The following GAB2 variants were observed in gnomAD, a reference collection of about 807,000 sequenced individuals.
GAB2 encodes the protein GRB2 associated binding protein 2.
GAB2 carries 26 observed loss-of-function variants against 65.5 expected under a neutral mutation model. The observed-to-expected ratio is 0.40, with a 90% CI of 0.29 to 0.55. The LOEUF (loss-of-function observed/expected upper bound fraction) is 0.55, where lower values mean the gene tolerates loss of function less well. GAB2 is among the 20% of genes least tolerant of loss of function. The pLI is 0.53. For synonymous variants in GAB2, 321 were observed against 329.6 expected (o/e 0.97, Z 0.28); for missense variants, 884 against 875.8 (o/e 1.01, Z -0.12).
chr11:78,291,805 A>AT (rs2134607212), intron 1 of GAB2, among the ~76,000 whole-genome samples: 1 of 151,718 alleles, frequency 6.6e-6, no homozygotes, highest in South Asian at 2.1e-4. Context: ...GGCTCAAGTA[A>AT]TTCTCCCACC....
chr11:78,352,419 C>T (rs1186038456), intron 1 of GAB2, among the ~76,000 whole-genome samples: 1 of 152,244 alleles, frequency 6.6e-6, no homozygotes, highest in Non-Finnish European at 1.5e-5. Context: ...CAGGGCTTCA[C>T]AGCTCGGCGT....
chr11:78,391,740 G>T lies in GAB2; in HGVS notation c.75+25906C>A, dbSNP rs539941709. Among the ~76,000 whole-genome samples the T allele has an allele frequency of 1.3e-4, 20 of 152,338 alleles. 1 individual carries two copies. Among genetic ancestry groups the T allele is most frequent in the Non-Finnish European group, 7.3e-5 (5 of 68,032 alleles). Reference sequence around the variant, plus strand: ...ACTCTGAGCCATTCAAGCCTTCCCAGTTGGGGCCCCAGATATTGGGGAGCA... The same window carrying T: ...ACTCTGAGCCATTCAAGCCTTCCCATTTGGGGCCCCAGATATTGGGGAGCA... On this transcript the variant is annotated intron_variant, in intron 1 of 9. Transcript: ENST00000361507.
At chr11:78,225,262 C>A in intron 4 of GAB2, 60 bp from the exon 5 acceptor site, 1 of 1,099,372 alleles carries the variant, frequency 9.1e-7, no homozygotes, top group South Asian at 1.3e-5. Context: ...GACACTTACC[C>A]ATACCCTCAC....
At chr11:78,322,510 TAA>T (rs1320833039) in intron 1 of GAB2, among the ~76,000 whole-genome samples, 2 of 151,058 alleles carry the variant, frequency 1.3e-5, no homozygotes, top group Non-Finnish European at 3.0e-5. Flanking sequence ...ATCGAGAGAG[TAA>T]AGAGACAACC....
At chr11:78,297,765 G>C (rs1017860796) in intron 1 of GAB2, among the ~76,000 whole-genome samples, 1 of 152,062 alleles carries the variant, frequency 6.6e-6, no homozygotes, top group African/African-American at 2.4e-5. Context: ...TGGCAAATGA[G>C]CTTGAGAACC....
chr11:78,407,675 A>AAGAAAGAAAGAAAGAGATGGC lies in GAB2; in HGVS notation c.75+9970_75+9971insGCCATCTCTTTCTTTCTTTCT, dbSNP rs1555001712. Among the ~76,000 whole-genome samples the AAGAAAGAAAGAAAGAGATGGC allele has an allele frequency of 1.5e-3, 215 of 147,706 alleles. 5 individuals are homozygous for AAGAAAGAAAGAAAGAGATGGC. The highest frequency in any genetic ancestry group is 5.0e-3 in the African/African-American group (191 of 37,934). On this transcript the variant is annotated intron_variant, in intron 1 of 9. Coordinates refer to ENST00000361507, the MANE Select transcript of GAB2 (RefSeq NM_080491.3). ...AAAGAAAGTAAGAAAGAAAGAAAGA[A>AAGAAAGAAAGAAAGAGATGGC]AGAAAGAAAGAAAGAAAGAAAGAAA... is the stretch of plus-strand genomic sequence containing the variant.
At chr11:78,294,991 C>T (rs554004846) in intron 1 of GAB2, among the ~76,000 whole-genome samples, 68 of 152,250 alleles carry the variant, frequency 4.5e-4, no homozygotes, top group African/African-American at 1.6e-3. Context: ...ATCTACTCAT[C>T]TGACAAAGGG....
At chr11:78,349,291 G>A (rs1337848171) in intron 1 of GAB2, among the ~76,000 whole-genome samples, 1 of 152,220 alleles carries the variant, frequency 6.6e-6, no homozygotes, top group Non-Finnish European at 1.5e-5. Context: ...AAAACAGGAA[G>A]CTGTATAGAA....
chr11:78,409,436 T>C (rs1857098153), intron 1 of GAB2, among the ~76,000 whole-genome samples: 1 of 151,908 alleles, frequency 6.6e-6, no homozygotes. Flanking sequence ...AATACAAAAT[T>C]AGCCGGGTGT....
intron 1 of GAB2, among the ~76,000 whole-genome samples, chr11:78,362,474 A>G (rs189429457): frequency 1.3e-5 from 2 of 152,278 alleles, no homozygotes; most frequent in East Asian, 1.9e-4. Flanking sequence ...AAAATGTTCA[A>G]TCCAAAAGGT....
At chr11:78,383,786 C>T (rs549969310) in intron 1 of GAB2, among the ~76,000 whole-genome samples, 1 of 151,862 alleles carries the variant, frequency 6.6e-6, no homozygotes, top group African/African-American at 2.4e-5. Flanking sequence ...CCACAGACCT[C>T]GTCCCAGGAG....
chr11:78,238,955 C>T (rs2134500886), intron 3 of GAB2, among the ~76,000 whole-genome samples: 1 of 152,098 alleles, frequency 6.6e-6, no homozygotes, highest in African/African-American at 2.4e-5. Flanking sequence ...GAAAAATGGA[C>T]AAAAGACTTG....
rs200566789 is a variant in GAB2 at position 78,244,933 on chromosome 11, G to T, written c.620+5224C>A. Among the ~76,000 whole-genome samples the T allele has an allele frequency of 1.5e-4, 23 of 152,278 alleles. No individual in the cohort carries two copies. In the East Asian group the frequency reaches 3.9e-3, roughly 26 times the overall value. The stretch of plus-strand genomic sequence containing the variant: ...CTTATGATCCAGCAATCCCATTACT[G>T]GGTATATATCTGAAGGAAAGGAAAT... On this transcript the variant is annotated intron_variant, in intron 3 of 9. Transcript: ENST00000361507.
chr11:78,381,541 G>A (rs1241645321), intron 1 of GAB2, among the ~76,000 whole-genome samples: 1 of 152,142 alleles, frequency 6.6e-6, no homozygotes, highest in Non-Finnish European at 1.5e-5. Context: ...CCTCCCACCT[G>A]CTACAGCCAA....
intron 1 of GAB2, among the ~76,000 whole-genome samples, chr11:78,395,119 C>A (rs73502952): frequency 0.027 from 4,185 of 152,260 alleles, 163 homozygotes; most frequent in African/African-American, 0.088. Context: ...CTCCTCCCAC[C>A]CCTACACTCT....
At position 78,312,531 on chromosome 11, in the gene GAB2, T is replaced by G. The variant is rs1855522091; in HGVS notation, c.76-31630A>C. On this transcript the variant is annotated intron_variant, in intron 1 of 9. Transcript: ENST00000361507. ...ACCTCCACCTCGCTGTTTCAAGCAATTCCCCTGCCTCAGCCTCCCGAGTAG... is the reference window on the plus strand; with the variant it reads ...ACCTCCACCTCGCTGTTTCAAGCAAGTCCCCTGCCTCAGCCTCCCGAGTAG... 2.0e-5 allele frequency among the ~76,000 whole-genome samples: 3 copies of G among 152,348 alleles called. No individual in the cohort carries two copies. In the South Asian group the frequency reaches 6.2e-4, roughly 32 times the overall value.
intron 1 of GAB2, among the ~76,000 whole-genome samples, chr11:78,330,030 C>T (rs1326331846): frequency 2.0e-5 from 3 of 152,110 alleles, no homozygotes; most frequent in Non-Finnish European, 4.4e-5. Flanking sequence ...AGGATATAGA[C>T]GTTTGATTGT....
intron 1 of GAB2, among the ~76,000 whole-genome samples, chr11:78,301,887 A>C (rs1178279037): frequency 2.0e-5 from 3 of 152,174 alleles, no homozygotes; most frequent in Admixed American, 2.0e-4. Flanking sequence ...AAATAAACCC[A>C]AATATTTAAA....
chr11:78,388,917 C>G (rs1856800642), intron 1 of GAB2, among the ~76,000 whole-genome samples: 1 of 152,150 alleles, frequency 6.6e-6, no homozygotes, highest in Non-Finnish European at 1.5e-5. Context: ...ATGAGAAACT[C>G]CACCCAACGG....
Sources: allele counts gnomAD v4.1 joint callset (sites outside exome capture counted in the v4.1 genomes callset), GRCh38; gene constraint gnomAD v4.1.1; transcripts MANE v1.5; gene names NCBI Gene and HGNC (gene_info 2026-07-23, HGNC 2026-07-21).